The following UBR3 variants were observed in gnomAD, a reference collection of about 807,000 sequenced individuals.
UBR3 encodes ubiquitin protein ligase E3 component n-recognin 3, also known as E3 ubiquitin-protein ligase UBR3.
A neutral mutation model predicts 243.2 loss-of-function variants in UBR3; 85 were observed. The observed-to-expected ratio is 0.35, with a 90% confidence interval of 0.29 to 0.42. The LOEUF (loss-of-function observed/expected upper bound fraction) is 0.42. Among genes scored for constraint, UBR3 ranks in the 10% least tolerant of loss-of-function variants. The probability of loss-of-function intolerance (pLI) is 1.00; values close to 1 mark genes in which losing one functional copy is unlikely to be tolerated. For synonymous variants in UBR3, 748 were observed against 799.8 expected, an observed-to-expected ratio of 0.94 and a Z score of 1.09; for missense variants, 1,686 against 2,300.8, an observed-to-expected ratio of 0.73 and a Z score of 5.47.
intron 33 of UBR3, among the ~76,000 whole-genome samples, chr2:170,060,712 G>C (rs2091440088): frequency 6.6e-6 from 1 of 152,002 alleles, no homozygotes; most frequent in African/African-American, 2.4e-5. Context: ...GGTTCTTGCT[G>C]TAATAGTGCT....
At chr2:169,877,683 A>G in intron 4 of UBR3, 46 bp downstream of exon 4, 1 of 1,482,910 alleles carries the variant, frequency 6.7e-7, no homozygotes, top group Non-Finnish European at 9.0e-7. Context: ...TTTCTGTATT[A>G]AAACCAAAAA....
At chr2:170,001,541 A>G in intron 27 of UBR3, 127 bp downstream of exon 27, 3 of 613,556 alleles carry the variant, frequency 4.9e-6, no homozygotes, top group Non-Finnish European at 8.6e-6. Context: ...TAAACTATCC[A>G]GTCTCACTTT....
At chr2:169,877,001 A>C (rs1306071239) in intron 3 of UBR3, among the ~76,000 whole-genome samples, 1 of 152,202 alleles carries the variant, frequency 6.6e-6, no homozygotes, top group Non-Finnish European at 1.5e-5. Context: ...TATACAGCTT[A>C]AGTTATAAAA....
At position 169,905,247 on chromosome 2, in the gene UBR3, T is replaced by G; in HGVS notation, c.1599T>G (p.Asp533Glu). Reference sequence around the variant, plus strand: ...GTGTGGCCAAGAGATTTTTGGAGGATCACGGTTTGTTAGTTACATGGATGA... The same window carrying G: ...GTGTGGCCAAGAGATTTTTGGAGGAGCACGGTTTGTTAGTTACATGGATGA... ...HQSVAKRFLE[D>E]HGLLVTWMNF... The change falls in exon 9 of 39, where the codon GAT becomes GAG. Residue 533 changes from aspartate to glutamate, a missense_variant. Physicochemically the swap from Asp to Glu is conservative, Grantham distance 45 (BLOSUM62 2). This residue lies in a region of UBR3 where 346 missense variants were observed against 585.8 expected (regional missense o/e 0.59). Transcript: ENST00000272793. The G allele has an allele frequency of 6.5e-7, 1 of 1,544,222 alleles. No homozygotes were observed. The highest frequency in any genetic ancestry group is 8.7e-7 in the Non-Finnish European group (1 of 1,143,934).
intron 5 of UBR3, among the ~76,000 whole-genome samples, chr2:169,879,277 T>C (rs1028702699): frequency 6.6e-6 from 1 of 152,134 alleles, no homozygotes; most frequent in Non-Finnish European, 1.5e-5. Context: ...ATCTTTTTTC[T>C]TTTGGAAATT....
chr2:170,064,507 T>G (rs887932757), intron 35 of UBR3, among the ~76,000 whole-genome samples: 2 of 152,062 alleles, frequency 1.3e-5, no homozygotes, highest in Non-Finnish European at 2.9e-5. Context: ...CATTTAGATT[T>G]TTAATTCAGT....
At chr2:170,079,792 AT>A in intron 36 of UBR3, 21 bp from the exon 37 acceptor site, 1 of 1,584,960 alleles carries the variant, frequency 6.3e-7, no homozygotes, top group Non-Finnish European at 8.6e-7. Flanking sequence ...AAACTAATGA[AT>A]ATTTTTGGAT....
chr2:169,996,529 T>C (rs1333016869), intron 26 of UBR3, among the ~76,000 whole-genome samples: 1 of 152,144 alleles, frequency 6.6e-6, no homozygotes, highest in Non-Finnish European at 1.5e-5. Flanking sequence ...TTAGACAGTT[T>C]GGGTTAGGTA....
intron 29 of UBR3, chr2:170,013,989 T>A (rs755926531): frequency 2.1e-6 from 1 of 465,866 alleles, no homozygotes; most frequent in South Asian, 1.6e-5. Flanking sequence ...TTTTAGAAGT[T>A]CAGTGAGCAA....
At chr2:169,868,551 T>A (rs1028862440) in intron 1 of UBR3, among the ~76,000 whole-genome samples, 19 of 152,338 alleles carry the variant, frequency 1.2e-4, no homozygotes, top group African/African-American at 4.6e-4. Context: ...CATCAAGTGA[T>A]CTGCATGCCT....
intron 5 of UBR3, among the ~76,000 whole-genome samples, chr2:169,882,853 T>C (rs1287974727): frequency 6.6e-6 from 1 of 152,208 alleles, no homozygotes; most frequent in Non-Finnish European, 1.5e-5. Context: ...AAAGGGACTA[T>C]ATAATTCATC....
At chr2:170,059,459 GT>G (rs547600436) in intron 33 of UBR3, among the ~76,000 whole-genome samples, 128 of 152,168 alleles carry the variant, frequency 8.4e-4, no homozygotes, top group Non-Finnish European at 1.4e-3. Flanking sequence ...ATCTGTGGTA[GT>G]TTGAGTTTTC....
intron 27 of UBR3, among the ~76,000 whole-genome samples, chr2:170,002,963 A>G (rs927262138): frequency 6.6e-6 from 1 of 152,038 alleles, no homozygotes; most frequent in African/African-American, 2.4e-5. Context: ...AAGCAGCACA[A>G]CTTCTTAAAA....
intron 10 of UBR3, among the ~76,000 whole-genome samples, chr2:169,910,510 C>T (rs1400962085): frequency 6.6e-6 from 1 of 152,050 alleles, no homozygotes; most frequent in Non-Finnish European, 1.5e-5. Context: ...CATATTTCAG[C>T]TTTCAAGGCT....
intron 1 of UBR3, among the ~76,000 whole-genome samples, chr2:169,862,350 C>A (rs1030800665): frequency 5.3e-5 from 8 of 152,056 alleles, no homozygotes; most frequent in Non-Finnish European, 1.0e-4. Flanking sequence ...TTTAGTCCTT[C>A]CTATTAGCGA....
chr2:170,063,955 T>C (rs142299597), intron 35 of UBR3, among the ~76,000 whole-genome samples: 3 of 152,346 alleles, frequency 2.0e-5, no homozygotes, highest in African/African-American at 7.2e-5. Context: ...GCTCAAGGCT[T>C]ATATTCCCAT....
At chr2:169,913,678 C>T (rs924038970) in intron 10 of UBR3, among the ~76,000 whole-genome samples, 1 of 152,070 alleles carries the variant, frequency 6.6e-6, no homozygotes, top group Admixed American at 6.5e-5. Context: ...GTACAACTGT[C>T]GCTACTATCC....
At chr2:169,902,375 G>A (rs1236107681) in intron 8 of UBR3, among the ~76,000 whole-genome samples, 3 of 152,040 alleles carry the variant, frequency 2.0e-5, no homozygotes, top group Non-Finnish European at 2.9e-5. Flanking sequence ...CCCCCTAGTG[G>A]CTTTCCATTC....
chr2:169,983,213 T>G (rs2088829410), intron 24 of UBR3, among the ~76,000 whole-genome samples: 1 of 141,308 alleles, frequency 7.1e-6, no homozygotes, highest in African/African-American at 2.6e-5. Flanking sequence ...GAGGCCTAGT[T>G]TTGGAAGGCA....
Sources: allele counts gnomAD v4.1 joint callset (sites outside exome capture counted in the v4.1 genomes callset), GRCh38; gene constraint gnomAD v4.1.1; regional missense constraint gnomAD v4.1.1; transcripts MANE v1.5; gene names NCBI Gene and HGNC (gene_info 2026-07-23, HGNC 2026-07-21).